OTOF: variants seen among roughly 807,000 people sequenced by gnomAD.
OTOF encodes otoferlin.
In OTOF, 218 loss-of-function variants were observed where a neutral mutation model predicts 236.8. That is an observed-to-expected ratio of 0.92 (90% CI 0.82 to 1.03). The LOEUF (loss-of-function observed/expected upper bound fraction) is 1.03, where lower values mean the gene tolerates loss of function less well. Ranked by LOEUF, OTOF falls within the 50% of genes least tolerant of loss-of-function variation. OTOF has a pLI of 0.00. For synonymous variants in OTOF, 1,041 were observed against 1,072.5 expected, an observed-to-expected ratio of 0.97 and a Z score of 0.57; for missense variants, 2,590 against 2,694.4, an observed-to-expected ratio of 0.96 and a Z score of 0.86.
Position 26,476,967 on chromosome 2 carries a change from G to C in OTOF, c.2600C>G (p.Ser867Cys). The C allele has an allele frequency of 5.0e-6, 8 of 1,612,076 alleles. No individual in the cohort carries two copies. Among genetic ancestry groups the C allele is most frequent in the Non-Finnish European group, 6.8e-6 (8 of 1,179,630 alleles). The change falls in exon 22 of 47, where the codon TCC (serine) becomes TGC (cysteine). Residue 867 changes from serine (S) to cysteine (C), a missense_variant. Ser to Cys is a moderately radical substitution (Grantham distance 112, BLOSUM62 -1). Around this residue, in one of 2 missense-constraint regions of OTOF, gnomAD observed 1,379 missense variants for 1,341.6 expected, o/e 1.03. Coordinates refer to ENST00000272371, the MANE Select transcript of OTOF (RefSeq NM_194248.3). Reference protein sequence around the residue: ...NKRVAYARVPSKDLLFSIVEE... With the variant: ...NKRVAYARVPCKDLLFSIVEE... ...CACGATGGAGAAGAGCAGGTCCTTG[G>C]AGGGCACACGGGCATAGGCGACACG...
intron 13 of OTOF, among the ~76,000 whole-genome samples, chr2:26,482,971 G>T (rs1249131346): frequency 6.7e-6 from 1 of 148,892 alleles, no homozygotes; most frequent in Non-Finnish European, 1.5e-5. Flanking sequence ...GTGTGAGTGG[G>T]TATGCGTGCG....
intron 2 of OTOF, 53 bp downstream of exon 2, chr2:26,537,663 C>T (rs1228256760): frequency 2.2e-6 from 3 of 1,394,992 alleles, no homozygotes; most frequent in Non-Finnish European, 3.0e-6. Flanking sequence ...CGAAGGGTGG[C>T]TGTTCCCCTC....
chr2:26,539,521 A>G (rs1222634406), intron 1 of OTOF, among the ~76,000 whole-genome samples: 2 of 152,212 alleles, frequency 1.3e-5, no homozygotes, highest in Admixed American at 6.5e-5. Flanking sequence ...GGATCACCTG[A>G]GGTCGGGAGT....
At chr2:26,503,146 G>A (rs1260161078) in intron 6 of OTOF, among the ~76,000 whole-genome samples, 2 of 152,348 alleles carry the variant, frequency 1.3e-5, no homozygotes, top group African/African-American at 4.8e-5. Flanking sequence ...GCAGCCGGGA[G>A]CCCCGATGGT....
intron 3 of OTOF, among the ~76,000 whole-genome samples, chr2:26,526,168 G>C (rs957266439): frequency 2.0e-5 from 3 of 149,840 alleles, no homozygotes; most frequent in Non-Finnish European, 4.4e-5. Context: ...AGGATGAATG[G>C]AAAGGATGAA....
At chr2:26,498,917 A>G (rs1470543798) in intron 8 of OTOF, among the ~76,000 whole-genome samples, 1 of 152,142 alleles carries the variant, frequency 6.6e-6, no homozygotes, top group African/African-American at 2.4e-5. Context: ...AGTTTGCTCC[A>G]GTGGTGGCAT....
chr2:26,479,492 G>A lies in OTOF; in HGVS notation c.2074C>T (p.Arg692Trp), dbSNP rs765368301. ...GCCCACCTGTCGGTGACCTGGGGCC[G>A]CATTGGTGGAGTGGAGGAGACTGAG... The part of the protein sequence containing the change: ...LASVSSTPPM[R>W]PQVTDRNYFH... The change falls in exon 17 of 47, where the codon CGG (arginine) becomes TGG (tryptophan). Residue 692 changes from arginine (R) to tryptophan (W), a missense_variant. Arg to Trp is a moderately radical substitution (Grantham distance 101). This residue lies in a region of OTOF where 1,379 missense variants were observed against 1,341.6 expected (regional missense o/e 1.03). Transcript: ENST00000272371. 8.7e-6 allele frequency: 14 copies of A among 1,601,398 alleles called. No homozygotes were observed. The highest frequency in any genetic ancestry group is 3.5e-5 in the Admixed American group (2 of 57,552).
At chr2:26,552,737 G>A (rs1667492666) in intron 1 of OTOF, among the ~76,000 whole-genome samples, 1 of 152,210 alleles carries the variant, frequency 6.6e-6, no homozygotes, top group African/African-American at 2.4e-5. Flanking sequence ...TGGTGAGGGG[G>A]ACTGAGTGTG....
chr2:26,550,361 A>AG (rs1271918074), intron 1 of OTOF, among the ~76,000 whole-genome samples: 3 of 151,444 alleles, frequency 2.0e-5, no homozygotes, highest in Admixed American at 2.0e-4. Context: ...GGCTGGCTGC[A>AG]GGGGGGCCCC....
At chr2:26,510,970 C>T (rs1284735961) in intron 5 of OTOF, among the ~76,000 whole-genome samples, 1 of 152,244 alleles carries the variant, frequency 6.6e-6, no homozygotes, top group Non-Finnish European at 1.5e-5. Context: ...GGGAGGGGCC[C>T]ACAGTGCTGG....
In OTOF at chr2:26,473,103, G is replaced by C; in HGVS notation, c.3733+29C>G. 6.2e-7 allele frequency: 1 copy of C among 1,604,168 alleles called. No individual in the cohort carries two copies. Among genetic ancestry groups the C allele is most frequent in the Non-Finnish European group, 8.5e-7 (1 of 1,174,950 alleles). ...CCTTCCCTGGGGGGCGTGGAGCCAG[G>C]CTTGGTGGCAGGGTGGATGTGGCCA... On this transcript the variant is annotated intron_variant, in intron 29 of 46. Transcript: ENST00000272371. This position sits in a 1 kb window ranked among gnomAD's most constrained non-coding sequence, Gnocchi z 7.2.
chr2:26,511,453 A>G lies in OTOF; in HGVS notation c.509+4965T>C, dbSNP rs541503114. 1.1e-4 allele frequency among the ~76,000 whole-genome samples: 17 copies of G among 152,376 alleles called. No individual in the cohort carries two copies. The South Asian group carries it at 3.5e-3, about 32-fold the overall frequency. ...ATGCTTTCCCAGTGCTGTGGCAATG[A>G]GGATGAAGACAGGAAAGTGAATAAC... On this transcript the variant is annotated intron_variant, in intron 5 of 46. Transcript: ENST00000272371.
In OTOF at chr2:26,510,499, C is replaced by G. The variant is rs185198627; in HGVS notation, c.509+5919G>C. Among the ~76,000 whole-genome samples, 806 of 152,150 alleles carry G rather than the reference C, an allele frequency of 5.3e-3. 7 individuals carry two copies. Among genetic ancestry groups the G allele is most frequent in the African/African-American group, 0.018 (763 of 41,510 alleles). Reference sequence around the variant, plus strand: ...AAACCAGAAGGTCTGGCCACCTCCCCCGCGACCCTAACCCCTCCTCATCCC... The same window carrying G: ...AAACCAGAAGGTCTGGCCACCTCCCGCGCGACCCTAACCCCTCCTCATCCC... On this transcript the variant is annotated intron_variant, in intron 5 of 46. Coordinates refer to ENST00000272371, the MANE Select transcript of OTOF (RefSeq NM_194248.3).
At position 26,473,344 on chromosome 2, in the gene OTOF, G is replaced by C. The variant is rs780240217; in HGVS notation, c.3571-50C>G. ...GAGCCTCCAAGAAGGGGCAGAGGAA[G>C]CCGGCTGGCTGAGTGGAGCCACACT... is the stretch of plus-strand genomic sequence containing the variant. On this transcript the variant is annotated intron_variant, in intron 28 of 46. Transcript: ENST00000272371. The surrounding 1 kb of genome is among the most constrained non-coding windows in gnomAD (Gnocchi z 7.2). The C allele has an allele frequency of 1.9e-6, 3 of 1,613,054 alleles. No homozygotes were observed. The South Asian group carries it at 3.3e-5, about 18-fold the overall frequency.
intron 8 of OTOF, among the ~76,000 whole-genome samples, chr2:26,495,943 G>A (rs2148072990): frequency 6.6e-6 from 1 of 152,264 alleles, no homozygotes; most frequent in Non-Finnish European, 1.5e-5. Flanking sequence ...TTGCATTTCT[G>A]GAATTTGGCT....
Position 26,460,525 on chromosome 2 carries a change from G to A in OTOF, c.5813+122C>T. 1.2e-6 allele frequency: 1 copy of A among 817,802 alleles called. No individual in the cohort carries two copies. The highest frequency in any genetic ancestry group is 1.5e-5 in the South Asian group (1 of 67,548). The allele number at this position is 817,802 out of a possible 1,614,324, so 50.7% of individuals were successfully genotyped here. On this transcript the variant is annotated intron_variant, in intron 45 of 46. Transcript: ENST00000272371. The surrounding 1 kb of genome is among the most constrained non-coding windows in gnomAD (Gnocchi z 5.3). Reference sequence around the variant, plus strand: ...TTCAGGGTTGGCAGAGGGCAGGGAGGAGGCTCCCCTGTAATGAGGCTGTGG... The same window carrying A: ...TTCAGGGTTGGCAGAGGGCAGGGAGAAGGCTCCCCTGTAATGAGGCTGTGG...
intron 3 of OTOF, among the ~76,000 whole-genome samples, chr2:26,521,310 A>G: frequency 6.6e-6 from 1 of 152,172 alleles, no homozygotes; most frequent in African/African-American, 2.4e-5. Flanking sequence ...CTTTCTCCAG[A>G]ATTAGATGCC....
chr2:26,557,485 C>A (rs958147020), intron 1 of OTOF, among the ~76,000 whole-genome samples: 6 of 152,162 alleles, frequency 3.9e-5, no homozygotes, highest in African/African-American at 1.4e-4. Context: ...GCTCCGCTGT[C>A]CCCGGGGTCA....
At chr2:26,487,454 A>G (rs1298309823) in intron 11 of OTOF, among the ~76,000 whole-genome samples, 3 of 152,066 alleles carry the variant, frequency 2.0e-5, no homozygotes, top group Non-Finnish European at 2.9e-5. Context: ...CTTACTCACA[A>G]TGTGGCCCTG....
Sources: gnomAD v4.1 joint callset for allele counts (sites outside exome capture counted in the v4.1 genomes callset) on GRCh38, gnomAD v4.1.1 for gene constraint, gnomAD v4.1.1 regional missense constraint, Gnocchi (gnomAD v3.1) non-coding constraint, MANE v1.5 for transcripts, NCBI Gene and HGNC (gene_info 2026-07-23, HGNC 2026-07-21) for gene names.